The following ATN1 variants were observed in gnomAD, a reference collection of about 807,000 sequenced individuals.
The protein encoded by ATN1 is atrophin-1.
Under a neutral mutation model 85.8 loss-of-function variants are expected in ATN1, and 19 were observed. That is an observed-to-expected ratio of 0.22 (90% CI 0.15 to 0.32). ATN1 has a LOEUF of 0.32. Among genes scored for constraint, ATN1 ranks in the 10% least tolerant of loss-of-function variants. The pLI is 1.00. For missense variants in ATN1, 1,453 were observed against 1,564.5 expected (o/e 0.93, Z 1.20); for synonymous variants, 674 against 657.0 (o/e 1.03, Z -0.39).
chr12:6,932,326 G>A (rs912036817), intron 1 of ATN1, among the ~76,000 whole-genome samples: 1 of 152,158 alleles, frequency 6.6e-6, no homozygotes, highest in East Asian at 1.9e-4. Flanking sequence ...TGTTCCCACT[G>A]GAGCTAGCAG....
chr12:6,925,622 G>A (rs782768975), upstream of ATN1, among the ~76,000 whole-genome samples: 1 of 152,282 alleles, frequency 6.6e-6, no homozygotes, highest in African/African-American at 2.4e-5. Context: ...ACTTCAGAGT[G>A]ATGACTCATT....
chr12:6,933,289 T>C (rs1945489123), intron 1 of ATN1, among the ~76,000 whole-genome samples: 2 of 151,822 alleles, frequency 1.3e-5, no homozygotes, highest in South Asian at 4.2e-4. Flanking sequence ...TGATCTCGGC[T>C]CACTGCAACC....
At position 6,937,253 on chromosome 12, in the gene ATN1, TC is replaced by T; in HGVS notation, c.1989del (p.Ser664ProfsTer58). ...CACCCGGATACAAACCCGGGTCGCC[TC>T]CCTCCTTCCGAACGGGGACCCCACC... Reference protein sequence around the residue: ...TPPGYKPGSPPSFRTGTPPGY... With the variant: ...TPPGYKPGSPXSFRTGTPPGY... On this transcript the variant is annotated frameshift_variant, in exon 5 of 10. Transcript: ENST00000396684. LOFTEE classifies it high-confidence loss of function. The surrounding 1 kb of genome is among the most constrained non-coding windows in gnomAD (Gnocchi z 6.0). 1 of 1,610,916 alleles carries T rather than the reference TC, an allele frequency of 6.2e-7. No homozygotes were observed. Among genetic ancestry groups the T allele is most frequent in the Non-Finnish European group, 8.5e-7 (1 of 1,179,460 alleles).
In ATN1 at chr12:6,937,983, G is replaced by A. The variant is rs1555144107; in HGVS notation, c.2433G>A (p.Ala811=). The change falls in exon 6 of 10, where the codon GCG becomes GCA. Residue 811 remains alanine (A), a synonymous_variant. Transcript: ENST00000396684. This position sits in a 1 kb window ranked among gnomAD's most constrained non-coding sequence, Gnocchi z 6.0. ...EKVRREAEQR[A]REEKERERER... ...TGCGGCGCGAGGCCGAGCAGCGCGC[G>A]CGCGAAGAAAAGGAGCGCGAGCGCG... The A allele has an allele frequency of 1.3e-6, 2 of 1,550,394 alleles. No homozygotes were observed. The highest frequency in any genetic ancestry group is 3.9e-5 in the Admixed American group (2 of 51,040).
chr12:6,934,597 C>T lies in ATN1; in HGVS notation c.279+19C>T, dbSNP rs1214538283. The T allele has an allele frequency of 2.7e-6, 4 of 1,497,498 alleles. No individual in the cohort carries two copies. Among genetic ancestry groups the T allele is most frequent in the Admixed American group, 2.0e-5 (1 of 50,928 alleles). 92.8% of individuals were successfully genotyped at this position (1,497,498 alleles called of 1,614,324 possible). The stretch of plus-strand genomic sequence containing the variant: ...AACTGAGGTGGGAAACCCTTGTCGC[C>T]ATCCTGACCCATCTTGTGACCATTC... On this transcript the variant is annotated intron_variant, in intron 4 of 9. Transcript: ENST00000396684. This position sits in a 1 kb window ranked among gnomAD's most constrained non-coding sequence, Gnocchi z 4.5.
At position 6,941,192 on chromosome 12, in the gene ATN1, T is replaced by C. The variant is rs1383531605; in HGVS notation, c.3358+169T>C. ...CTCTGCCCAAGAGAAGCACGAGTTT[T>C]AGTGTCAGCCTAAGAGGTTCGAATC... On this transcript the variant is annotated intron_variant, in intron 8 of 9. Coordinates refer to ENST00000396684, the MANE Select transcript of ATN1 (RefSeq NM_001940.4). The surrounding 1 kb of genome is among the most constrained non-coding windows in gnomAD (Gnocchi z 5.9). Among the ~76,000 whole-genome samples, 1 of 152,178 alleles carries C rather than the reference T, an allele frequency of 6.6e-6. No homozygotes were observed. Among genetic ancestry groups the C allele is most frequent in the Non-Finnish European group, 1.5e-5 (1 of 68,022 alleles).
chr12:6,929,739 T>C (rs1208537337), intron 1 of ATN1, among the ~76,000 whole-genome samples: 1 of 152,232 alleles, frequency 6.6e-6, no homozygotes, highest in Non-Finnish European at 1.5e-5. Flanking sequence ...TCCAAGTCTC[T>C]CCACCTGGGC....
rs782806307 is a variant in ATN1, at chr12:6,934,026, T to G, written c.25T>G (p.Ser9Ala). The G allele has an allele frequency of 1.2e-5, 20 of 1,608,736 alleles. No homozygotes were observed. The highest frequency in any genetic ancestry group is 1.6e-5 in the Non-Finnish European group (19 of 1,177,770). MKTRQNKDSMSMRSGRKKE... is the reference protein window; with the variant it reads MKTRQNKDAMSMRSGRKKE... The stretch of plus-strand genomic sequence containing the variant: ...AATGAAGACACGACAGAATAAAGAC[T>G]CGGTGAGTTAAAATGAGAGACATGA... Residue 9 changes from serine (S) to alanine (A), a missense_variant and splice_region_variant, in exon 2 of 10, where the codon TCG (serine) becomes GCG (alanine). Ser to Ala is a moderately conservative substitution (Grantham distance 99, BLOSUM62 1). Around this residue, in one of 6 missense-constraint regions of ATN1, gnomAD observed 130 missense variants for 158.2 expected, o/e 0.82. Coordinates refer to ENST00000396684, the MANE Select transcript of ATN1 (RefSeq NM_001940.4). This position sits in a 1 kb window ranked among gnomAD's most constrained non-coding sequence, Gnocchi z 4.5.
chr12:6,933,819 C>A (rs1490027134), intron 1 of ATN1, 21 bp from the exon 2 acceptor site: 2 of 674,032 alleles, frequency 3.0e-6, no homozygotes, highest in Admixed American at 5.6e-5. Context: ...GTTGGAGACT[C>A]TGATGGTTTC....
chr12:6,937,572 A>T lies in ATN1; in HGVS notation c.2294+11A>T. On this transcript the variant is annotated intron_variant, in intron 5 of 9. Coordinates refer to ENST00000396684, the MANE Select transcript of ATN1 (RefSeq NM_001940.4). This position sits in a 1 kb window ranked among gnomAD's most constrained non-coding sequence, Gnocchi z 6.0. ...CAGTCAGTCTGCCAGGTGAGCGGCC[A>T]GGTGGGGCGGAGGTGGGCCTGGAAA... The T allele has an allele frequency of 6.7e-7, 1 of 1,485,766 alleles. No homozygotes were observed. Among genetic ancestry groups the T allele is most frequent in the Non-Finnish European group, 8.9e-7 (1 of 1,118,896 alleles). The allele number at this position is 1,485,766 out of a possible 1,614,324, so 92.0% of individuals were successfully genotyped here.
rs898441901 is a variant in ATN1 at position 6,937,501 on chromosome 12, G to A, written c.2234G>A (p.Arg745His). Reference sequence around the variant, plus strand: ...CCCGAGAGCCCGGTGCCCCCAGCCCGCAGCCCCTCGCCCCCTCCCAAGGTG... The same window carrying A: ...CCCGAGAGCCCGGTGCCCCCAGCCCACAGCCCCTCGCCCCCTCCCAAGGTG... ...ETPESPVPPA[R>H]SPSPPPKVVD... Residue 745 changes from arginine to histidine, a missense_variant, in exon 5 of 10, where the codon CGC becomes CAC. Arg to His is a conservative substitution (Grantham distance 29). Coordinates refer to ENST00000396684, the MANE Select transcript of ATN1 (RefSeq NM_001940.4). The surrounding 1 kb of genome is among the most constrained non-coding windows in gnomAD (Gnocchi z 6.0). 2 of 1,542,168 alleles carry A rather than the reference G, an allele frequency of 1.3e-6. No individual in the cohort carries two copies. Among genetic ancestry groups the A allele is most frequent in the East Asian group, 4.9e-5 (2 of 40,992 alleles).
At chr12:6,932,034 CAAAAAAAAAAAAAAAAA>C (rs34374667) in intron 1 of ATN1, among the ~76,000 whole-genome samples, 2 of 50,678 alleles carry the variant, frequency 3.9e-5, no homozygotes, top group African/African-American at 1.4e-4. Flanking sequence ...AACTCTGTCT[CAAAAAAAAAAAAAAAAA>C]AAAAAAAAAA....
Position 6,928,066 on chromosome 12 carries a change from C to G in ATN1, c.-481C>G, listed in dbSNP as rs1591657669. 8.6e-6 allele frequency among the ~76,000 whole-genome samples: 1 copy of G among 116,572 alleles called. No homozygotes were observed. The highest frequency in any genetic ancestry group is 2.8e-4 in the South Asian group (1 of 3,528). The allele number at this position is 116,572 out of a possible 152,430, so 76.5% of individuals were successfully genotyped here. On this transcript the variant is annotated 5_prime_UTR_variant, in exon 1 of 10. Transcript: ENST00000396684. Reference sequence around the variant, plus strand: ...CCGAGGGCCGGGCGGGCCGCGGGGCCGGGCGGCGCGGCGGGGGCGGGCGGC... The same window carrying G: ...CCGAGGGCCGGGCGGGCCGCGGGGCGGGGCGGCGCGGCGGGGGCGGGCGGC...
At position 6,937,143 on chromosome 12, in the gene ATN1, G is replaced by A. The variant is rs782496289; in HGVS notation, c.1876G>A (p.Ala626Thr). The A allele has an allele frequency of 6.2e-6, 10 of 1,611,156 alleles. No homozygotes were observed. The highest frequency in any genetic ancestry group is 8.5e-6 in the Non-Finnish European group (10 of 1,179,980). Residue 626 changes from alanine to threonine, a missense_variant, in exon 5 of 10, where the codon GCA becomes ACA. By Grantham distance (58) the Ala-to-Thr change is moderately conservative. Transcript: ENST00000396684. The surrounding 1 kb of genome is among the most constrained non-coding windows in gnomAD (Gnocchi z 6.0). ...CATTGCCACCGTGGCTTCCTCGCCA[G>A]CAGGCTACAAAACGGCCTCCCCACC... ...TVIATVASSP[A>T]GYKTASPPGP...
Position 6,938,681 on chromosome 12 carries a change from G to A in ATN1, c.2718G>A (p.Val906=), listed in dbSNP as rs371860532. Residue 906 remains valine (V), a synonymous_variant, in exon 7 of 10, where the codon GTG becomes GTA. Transcript: ENST00000396684. ...SPGNRNHPFY[V]PLGAVDPGLL... is the part of the protein sequence containing the mutation. The stretch of plus-strand genomic sequence containing the variant: ...GCAATCGCAACCATCCATTCTACGT[G>A]CCCCTGGGGGCAGTGGACCCGGGGC... 1.2e-6 allele frequency: 2 copies of A among 1,614,144 alleles called. No individual in the cohort carries two copies.
Position 6,937,982 on chromosome 12 carries a change from CGCGCGAAGAAAAGGAGCGCGA to C in ATN1, c.2439_2459del (p.Glu814_Glu820del). The C allele has an allele frequency of 6.4e-7, 1 of 1,550,412 alleles. No individual in the cohort carries two copies. Among genetic ancestry groups the C allele is most frequent in the African/African-American group, 1.4e-5 (1 of 73,136 alleles). On this transcript the variant is annotated inframe_deletion, in exon 6 of 10. Coordinates refer to ENST00000396684, the MANE Select transcript of ATN1 (RefSeq NM_001940.4). The surrounding 1 kb of genome is among the most constrained non-coding windows in gnomAD (Gnocchi z 6.0). Reference sequence around the variant, plus strand: ...GTGCGGCGCGAGGCCGAGCAGCGCGCGCGCGAAGAAAAGGAGCGCGAGCGCGAGCGGGAACGCGAGAAAGAG... The same window carrying C: ...GTGCGGCGCGAGGCCGAGCAGCGCGCGCGCGAGCGGGAACGCGAGAAAGAG...
intron 7 of ATN1, among the ~76,000 whole-genome samples, chr12:6,940,225 T>C (rs946456522): frequency 6.6e-6 from 1 of 151,854 alleles, no homozygotes; most frequent in African/African-American, 2.4e-5. Flanking sequence ...CTCTTGACCT[T>C]GTGATCCACC....
At position 6,934,034 on chromosome 12, in the gene ATN1, T is replaced by A. The variant is rs782708600; in HGVS notation, c.27+6T>A. The A allele has an allele frequency of 7.5e-6, 12 of 1,609,304 alleles. No homozygotes were observed. Among genetic ancestry groups the A allele is most frequent in the Non-Finnish European group, 1.0e-5 (12 of 1,177,918 alleles). ...CACGACAGAATAAAGACTCGGTGAG[T>A]TAAAATGAGAGACATGAAAGATGAG... On this transcript the variant is annotated splice_donor_region_variant and intron_variant, in intron 2 of 9. Coordinates refer to ENST00000396684, the MANE Select transcript of ATN1 (RefSeq NM_001940.4). The surrounding 1 kb of genome is among the most constrained non-coding windows in gnomAD (Gnocchi z 4.5).
intron 6 of ATN1, 118 bp from the exon 7 acceptor site, chr12:6,938,363 G>A: frequency 7.2e-7 from 1 of 1,393,116 alleles, no homozygotes; most frequent in Middle Eastern, 1.9e-4. Flanking sequence ...CAGGTGGGCA[G>A]AGTTTCAATG....
Sources: allele counts gnomAD v4.1 joint callset (sites outside exome capture counted in the v4.1 genomes callset), GRCh38; gene constraint gnomAD v4.1.1; regional missense constraint gnomAD v4.1.1; non-coding constraint Gnocchi (gnomAD v3.1); transcripts MANE v1.5; gene names NCBI Gene and HGNC (gene_info 2026-07-23, HGNC 2026-07-21).